CASD1: variants seen among roughly 807,000 people sequenced by gnomAD.
CASD1 encodes the protein N-acetylneuraminate (7)9-O-acetyltransferase.
A neutral mutation model predicts 100.0 loss-of-function variants in CASD1; 41 were observed. That is an observed-to-expected ratio of 0.41 (90% CI 0.32 to 0.53). The LOEUF (loss-of-function observed/expected upper bound fraction) is 0.53, where lower values mean the gene tolerates loss of function less well. Among genes scored for constraint, CASD1 ranks in the 20% least tolerant of loss-of-function variants. The pLI is 0.25. For missense variants in CASD1, 774 were observed against 948.7 expected, an observed-to-expected ratio of 0.82 and a Z score of 2.42; for synonymous variants, 321 against 315.6, an observed-to-expected ratio of 1.02 and a Z score of -0.18.
At chr7:94,569,784 A>T in the CASD1 span, among the ~76,000 whole-genome samples, 3 of 150,600 alleles carry the variant, frequency 2.0e-5, no homozygotes, top group Non-Finnish European at 3.0e-5. Flanking sequence ...TTGTATCATT[A>T]AAAAAACTCC....
chr7:94,557,449 A>G (rs942058697), downstream of CASD1, among the ~76,000 whole-genome samples: 1 of 152,100 alleles, frequency 6.6e-6, no homozygotes, highest in Non-Finnish European at 1.5e-5. Flanking sequence ...GTTATAAATC[A>G]AAAACTTCCA....
At chr7:94,527,634 T>G (rs1794641143) in intron 4 of CASD1, among the ~76,000 whole-genome samples, 3 of 152,206 alleles carry the variant, frequency 2.0e-5, no homozygotes, top group African/African-American at 4.8e-5. Flanking sequence ...GTCATTTTCC[T>G]CCATGCAGAA....
chr7:94,545,737 T>C, intron 12 of CASD1, 36 bp downstream of exon 12: 1 of 1,394,490 alleles, frequency 7.2e-7, no homozygotes, highest in Non-Finnish European at 9.8e-7. Flanking sequence ...AGTAAATATA[T>C]TTTTTCAACG....
At chr7:94,591,027 A>G in the CASD1 span, among the ~76,000 whole-genome samples, 5 of 152,288 alleles carry the variant, frequency 3.3e-5, no homozygotes, top group South Asian at 1.0e-3. Flanking sequence ...TGAGGAAGTT[A>G]CTTAATAATT....
chr7:94,620,637 TTTCATTCAA>T, the CASD1 span: 3 of 152,216 alleles, frequency 2.0e-5, no homozygotes, highest in Non-Finnish European at 4.4e-5. Context: ...AATCTATTCA[TTTCATTCAA>T]TGTTTTTACA....
the CASD1 span, chr7:94,628,102 A>G: frequency 3.5e-6 from 3 of 852,502 alleles, no homozygotes; most frequent in East Asian, 5.2e-5. Flanking sequence ...ACCATCAGGT[A>G]ACTTTAGTTT....
intron 13 of CASD1, among the ~76,000 whole-genome samples, chr7:94,548,206 C>T (rs1039788676): frequency 2.0e-5 from 3 of 151,718 alleles, no homozygotes; most frequent in African/African-American, 7.2e-5. Flanking sequence ...GTTTCCCTAG[C>T]GTTGGGTCAG....
At chr7:94,537,303 G>A (rs1795167973) in intron 8 of CASD1, among the ~76,000 whole-genome samples, 169 bp from the exon 9 acceptor site, 1 of 152,144 alleles carries the variant, frequency 6.6e-6, no homozygotes, top group Admixed American at 6.6e-5. Flanking sequence ...TGAACTAGCT[G>A]TTACAGATGG....
intron 8 of CASD1, 32 bp from the exon 9 acceptor site, chr7:94,537,440 G>C: frequency 6.4e-7 from 1 of 1,559,886 alleles, no homozygotes; most frequent in Non-Finnish European, 8.7e-7. Context: ...TCACTGACAA[G>C]ATAATAACCA....
Position 94,537,679 on chromosome 7 carries a change from G to A in CASD1, c.1051G>A (p.Glu351Lys). The change falls in exon 9 of 18, where the codon GAG (glutamate) becomes AAG (lysine). Residue 351 changes from glutamate to lysine, a missense_variant. Glu to Lys is a moderately conservative substitution (Grantham distance 56, BLOSUM62 1). Transcript: ENST00000297273. ...NKPCTDLESGEEKKNIINTPV... is the reference protein window; with the variant it reads ...NKPCTDLESGKEKKNIINTPV... ...GCCGTGTACTGATTTGGAAAGTGGA[G>A]AGGAAAAGAAAAATATTATCAATAC... 6.2e-7 allele frequency: 1 copy of A among 1,613,712 alleles called. No homozygotes were observed. Among genetic ancestry groups the A allele is most frequent in the Non-Finnish European group, 8.5e-7 (1 of 1,179,810 alleles).
At chr7:94,554,636 CGTGTGT>C (rs112044549) in intron 17 of CASD1, 61 bp downstream of exon 17, 5 of 1,037,536 alleles carry the variant, frequency 4.8e-6, no homozygotes, top group Non-Finnish European at 7.4e-6. Context: ...TGTGTATGTA[CGTGTGT>C]GTGTGTAAAT....
rs1470112880 is a variant in CASD1 at position 94,510,235 on chromosome 7, T to A, written c.133+18T>A. 2 of 1,465,916 alleles carry A rather than the reference T, an allele frequency of 1.4e-6. No individual in the cohort carries two copies. Among genetic ancestry groups the A allele is most frequent in the African/African-American group, 3.0e-5 (2 of 67,596 alleles). The allele number at this position is 1,465,916 out of a possible 1,614,324, so 90.8% of individuals were successfully genotyped here. A position where few individuals can be genotyped will look rare whatever the true frequency, so the allele number is the denominator to read the frequency against. ...CTACCGAGGTGAGCGGGCCCTCCCC[T>A]CTGCCCGGGCAGGCCGTGGGGGAGG... On this transcript the variant is annotated intron_variant, in intron 1 of 17. Transcript: ENST00000297273.
the CASD1 span, chr7:94,586,932 C>G: frequency 1.0e-6 from 1 of 981,554 alleles, no homozygotes; most frequent in Non-Finnish European, 1.2e-6. Flanking sequence ...AAAACAATAA[C>G]AACAAAACAA....
chr7:94,584,943 C>T, the CASD1 span: 1 of 152,646 alleles, frequency 6.6e-6, no homozygotes, highest in Non-Finnish European at 1.5e-5. Context: ...GGCTGCCCTG[C>T]ATGAATTGGG....
intron 1 of CASD1, among the ~76,000 whole-genome samples, chr7:94,514,331 C>G (rs565127909): frequency 4.1e-4 from 62 of 152,200 alleles, no homozygotes; most frequent in Non-Finnish European, 7.2e-4. Flanking sequence ...AACGATAAAT[C>G]TTAATGGTGA....
chr7:94,515,722 C>T (rs954691512), intron 1 of CASD1, among the ~76,000 whole-genome samples: 26 of 151,772 alleles, frequency 1.7e-4, no homozygotes, highest in Non-Finnish European at 3.5e-4. Context: ...TAACAACACC[C>T]CCCTCCCCCT....
intron 1 of CASD1, among the ~76,000 whole-genome samples, chr7:94,511,808 A>G (rs1793722198): frequency 1.3e-5 from 2 of 152,166 alleles, no homozygotes; most frequent in East Asian, 1.9e-4. Flanking sequence ...TTGGACTACT[A>G]TTATTTTTAG....
intron 5 of CASD1, among the ~76,000 whole-genome samples, chr7:94,530,072 T>C (rs1399551613): frequency 6.6e-6 from 1 of 152,096 alleles, no homozygotes; most frequent in African/African-American, 2.4e-5. Flanking sequence ...GCTAGATGAA[T>C]AACACATACA....
chr7:94,536,611 G>T (rs1795134841), intron 8 of CASD1, among the ~76,000 whole-genome samples: 2 of 152,156 alleles, frequency 1.3e-5, no homozygotes, highest in Admixed American at 6.5e-5. Flanking sequence ...AGTGGAATTT[G>T]CAGGCTAGTA....
Sources: gnomAD v4.1 joint callset for allele counts (sites outside exome capture counted in the v4.1 genomes callset) on GRCh38, gnomAD v4.1.1 for gene constraint, MANE v1.5 for transcripts, NCBI Gene and HGNC (gene_info 2026-07-23, HGNC 2026-07-21) for gene names.